SIAH3: variants seen among roughly 807,000 people sequenced by gnomAD.
SIAH3 encodes the protein seven in absentia homolog 3.
Under a neutral mutation model 12.6 loss-of-function variants are expected in SIAH3, and 9 were observed. The ratio of observed to expected loss-of-function variants is 0.72; its 90% CI spans 0.43 to 1.25. SIAH3 has a LOEUF of 1.25. SIAH3 is among the 50% of genes most tolerant of loss of function. The probability of loss-of-function intolerance (pLI) is 0.00; values close to 1 mark genes in which losing one functional copy is unlikely to be tolerated. For missense variants in SIAH3, 390 were observed against 365.4 expected (o/e 1.07, Z -0.55); for synonymous variants, 154 against 151.1 (o/e 1.02, Z -0.14).
intron 1 of SIAH3, among the ~76,000 whole-genome samples, chr13:45,815,083 AT>A (rs58472474): frequency 0.012 from 1,641 of 132,026 alleles, 7 homozygotes; most frequent in African/African-American, 0.023. Context: ...ATAGACCTTC[AT>A]TTTTTTTTTT....
chr13:45,830,552 C>T (rs1477827282), intron 1 of SIAH3, among the ~76,000 whole-genome samples: 1 of 152,230 alleles, frequency 6.6e-6, no homozygotes, highest in African/African-American at 2.4e-5. Flanking sequence ...ACACTGAGGT[C>T]ATTCATCTCA....
At chr13:45,786,798 T>C (rs1950529429) in intron 1 of SIAH3, among the ~76,000 whole-genome samples, 1 of 152,156 alleles carries the variant, frequency 6.6e-6, no homozygotes, top group Admixed American at 6.5e-5. Flanking sequence ...CCATAAAACC[T>C]GGAGAACCCA....
At chr13:45,819,475 T>C (rs1950647319) in intron 1 of SIAH3, among the ~76,000 whole-genome samples, 1 of 151,974 alleles carries the variant, frequency 6.6e-6, no homozygotes, top group Non-Finnish European at 1.5e-5. Flanking sequence ...GTCAGATCAT[T>C]ATGGCCTCTA....
chr13:45,811,567 A>G (rs1437985833), intron 1 of SIAH3, among the ~76,000 whole-genome samples: 1 of 152,042 alleles, frequency 6.6e-6, no homozygotes, highest in Non-Finnish European at 1.5e-5. Context: ...GGCTAAAGCA[A>G]TCCTCCATCC....
chr13:45,783,954 T>C lies in SIAH3; in HGVS notation c.239A>G (p.His80Arg). The C allele has an allele frequency of 6.2e-7, 1 of 1,600,136 alleles. No individual in the cohort carries two copies. Among genetic ancestry groups the C allele is most frequent in the Non-Finnish European group, 8.5e-7 (1 of 1,174,004 alleles). ...GTGGGGGTGGGCGTGGTGGCGGAGG[T>C]GGTGGTGGTGGCGGTGGTGGCAGTG... ...HHHCHHRHHH[H>R]LRHHAHPHHL... Residue 80 changes from histidine to arginine, a missense_variant, in exon 2 of 2, where the codon CAC becomes CGC. Coordinates refer to ENST00000400405, the MANE Select transcript of SIAH3 (RefSeq NM_198849.3).
At chr13:45,801,614 TAC>T (rs923007038) in intron 1 of SIAH3, among the ~76,000 whole-genome samples, 1 of 152,212 alleles carries the variant, frequency 6.6e-6, no homozygotes, top group African/African-American at 2.4e-5. Flanking sequence ...TGTGTGTGTA[TAC>T]AGCCTTTCAC....
At position 45,783,885 on chromosome 13, in the gene SIAH3, G is replaced by C. The variant is rs1950515537; in HGVS notation, c.308C>G (p.Thr103Arg). 1 of 1,612,860 alleles carries C rather than the reference G, an allele frequency of 6.2e-7. No individual in the cohort carries two copies. Among genetic ancestry groups the C allele is most frequent in the Non-Finnish European group, 8.5e-7 (1 of 1,179,280 alleles). Residue 103 changes from threonine (T) to arginine (R), a missense_variant, in exon 2 of 2, where the codon ACG (threonine) becomes AGG (arginine). Thr to Arg is a moderately conservative substitution (Grantham distance 71). Transcript: ENST00000400405. ...CAAGGGACACATGCACAGGCAGGGC[G>C]TCACCGGGTTGGCGTGCAGCCCCGC... ...QEAGLHANPV[T>R]PCLCMCPLFS... is the part of the protein sequence containing the mutation.
intron 1 of SIAH3, among the ~76,000 whole-genome samples, chr13:45,802,653 A>G (rs1950586184): frequency 6.6e-6 from 1 of 152,200 alleles, no homozygotes; most frequent in Non-Finnish European, 1.5e-5. Context: ...TCTAAAACAG[A>G]GATCAGAGGC....
intron 1 of SIAH3, among the ~76,000 whole-genome samples, chr13:45,805,004 A>G (rs1950594063): frequency 6.9e-6 from 1 of 145,488 alleles, no homozygotes; most frequent in Admixed American, 6.9e-5. Context: ...ACACACACAC[A>G]CACACAAAAT....
At chr13:45,792,979 C>A (rs1272575305) in intron 1 of SIAH3, among the ~76,000 whole-genome samples, 3 of 152,160 alleles carry the variant, frequency 2.0e-5, no homozygotes, top group Non-Finnish European at 4.4e-5. Flanking sequence ...GCAAGTGAAA[C>A]CTGGGGCCTG....
intron 1 of SIAH3, among the ~76,000 whole-genome samples, chr13:45,837,004 A>C (rs928541445): frequency 2.6e-5 from 4 of 152,156 alleles, no homozygotes; most frequent in Admixed American, 2.0e-4. Flanking sequence ...ATGTGTAGAC[A>C]TCTGCCGCCC....
chr13:45,842,286 A>G (rs549006012), intron 1 of SIAH3, among the ~76,000 whole-genome samples: 1 of 152,324 alleles, frequency 6.6e-6, no homozygotes, highest in East Asian at 1.9e-4. Flanking sequence ...AATGATGATA[A>G]CTACAATTGA....
At chr13:45,808,766 T>C (rs1337652274) in intron 1 of SIAH3, among the ~76,000 whole-genome samples, 2 of 152,186 alleles carry the variant, frequency 1.3e-5, no homozygotes, top group African/African-American at 4.8e-5. Flanking sequence ...GACTCAACAC[T>C]GGGCACAGTA....
chr13:45,805,608 C>G (rs1950596115), intron 1 of SIAH3, among the ~76,000 whole-genome samples: 1 of 152,064 alleles, frequency 6.6e-6, no homozygotes, highest in Non-Finnish European at 1.5e-5. Context: ...AATGTAAGAC[C>G]TCAAACTATA....
rs1377843458 is a variant in SIAH3, at chr13:45,777,943, A to G, written c.*5440T>C. 1 of 152,040 alleles carries G rather than the reference A, an allele frequency of 6.6e-6. No homozygotes were observed. The highest frequency in any genetic ancestry group is 1.5e-5 in the Non-Finnish European group (1 of 68,008). 9.4% of individuals were successfully genotyped at this position (152,040 alleles called of 1,614,324 possible). A position where few individuals can be genotyped will look rare whatever the true frequency, so the allele number is the denominator to read the frequency against. ...TGGACTTAGCTGGAAGTTTCCAGTG[A>G]CTCTTGTCCTAGTGGAAACTGTGCC... is the stretch of plus-strand genomic sequence containing the variant. On this transcript the variant is annotated 3_prime_UTR_variant, in exon 2 of 2. Transcript: ENST00000400405.
chr13:45,792,567 G>A (rs6561262), intron 1 of SIAH3, among the ~76,000 whole-genome samples: 97,539 of 151,762 alleles, frequency 0.64, 31,931 homozygotes, highest in Non-Finnish European at 0.71. Context: ...CATGTTGGCC[G>A]GGCTGGTCTC....
chr13:45,799,906 T>G (rs1950575674), intron 1 of SIAH3, among the ~76,000 whole-genome samples: 2 of 152,168 alleles, frequency 1.3e-5, no homozygotes, highest in African/African-American at 2.4e-5. Flanking sequence ...GGGGGGAAAA[T>G]GTATGTAACA....
At chr13:45,815,148 A>G (rs1393131085) in intron 1 of SIAH3, among the ~76,000 whole-genome samples, 2 of 149,988 alleles carry the variant, frequency 1.3e-5, no homozygotes, top group Non-Finnish European at 1.5e-5. Context: ...GGGGCATTTC[A>G]TCTTTCTGGC....
chr13:45,838,296 G>A (rs908035367), intron 1 of SIAH3, among the ~76,000 whole-genome samples: 1 of 152,172 alleles, frequency 6.6e-6, no homozygotes, highest in Non-Finnish European at 1.5e-5. Flanking sequence ...GTGCCTGGGA[G>A]CTCGCCTTTC....
Sources: gnomAD v4.1 joint callset for allele counts (sites outside exome capture counted in the v4.1 genomes callset) on GRCh38, gnomAD v4.1.1 for gene constraint, MANE v1.5 for transcripts, NCBI Gene and HGNC (gene_info 2026-07-23, HGNC 2026-07-21) for gene names.